Variants in LAMA2 observed in about 807,000 individuals in gnomAD.
The protein encoded by LAMA2 is laminin subunit alpha-2.
In LAMA2, 269 loss-of-function variants were observed where a neutral mutation model predicts 364.8. The ratio of observed to expected loss-of-function variants is 0.74; its 90% confidence interval spans 0.67 to 0.82. The LOEUF is 0.82. Among genes scored for constraint, LAMA2 ranks in the 40% least tolerant of loss-of-function variants. The probability of loss-of-function intolerance (pLI) is 0.00; values close to 1 mark genes in which losing one functional copy is unlikely to be tolerated. For missense variants in LAMA2, 3,807 were observed against 3,873.2 expected (o/e 0.98, Z 0.45); for synonymous variants, 1,379 against 1,370.6 (o/e 1.01, Z -0.14).
At chr6:129,418,237 C>G (rs1385932628) in intron 40 of LAMA2, among the ~76,000 whole-genome samples, 1 of 152,078 alleles carries the variant, frequency 6.6e-6, no homozygotes, top group African/African-American at 2.4e-5. Context: ...AAAATTTAAG[C>G]TGACAATAGA....
chr6:129,173,032 C>T lies in LAMA2; in HGVS notation c.1307-4674C>T, dbSNP rs1026888145. On this transcript the variant is annotated intron_variant, in intron 9 of 64. Transcript: ENST00000421865. ...GGCAATGCCTCGCCCTGCTTCGGCT[C>T]GCGCAGGGTGCGCGCACCCACTGAC... 2.6e-5 allele frequency among the ~76,000 whole-genome samples: 4 copies of T among 152,228 alleles called. No homozygotes were observed. The South Asian group carries it at 6.2e-4, about 24-fold the overall frequency.
chr6:129,389,772 A>G (rs539415815), intron 35 of LAMA2, among the ~76,000 whole-genome samples: 38 of 152,258 alleles, frequency 2.5e-4, no homozygotes, highest in Non-Finnish European at 4.7e-4. Flanking sequence ...ATACCTTCGA[A>G]CAACCTGATC....
At chr6:129,417,641 G>A (rs1780866787) in intron 40 of LAMA2, among the ~76,000 whole-genome samples, 1 of 151,920 alleles carries the variant, frequency 6.6e-6, no homozygotes, top group Admixed American at 6.6e-5. Context: ...CCACCAACCT[G>A]CCATCCACGG....
intron 1 of LAMA2, among the ~76,000 whole-genome samples, chr6:128,982,486 A>T (rs540246863): frequency 7.9e-5 from 12 of 152,230 alleles, no homozygotes; most frequent in Non-Finnish European, 1.3e-4. Flanking sequence ...TGAATATGCC[A>T]ATAGGTAGAA....
At chr6:129,136,323 A>G (rs114150861) in intron 4 of LAMA2, among the ~76,000 whole-genome samples, 1 of 152,330 alleles carries the variant, frequency 6.6e-6, no homozygotes, top group East Asian at 1.9e-4. Context: ...AAAAAGAATC[A>G]TAGAGACTTT....
intron 1 of LAMA2, among the ~76,000 whole-genome samples, chr6:129,033,360 T>C (rs1461992335): frequency 6.6e-6 from 1 of 152,182 alleles, no homozygotes; most frequent in Non-Finnish European, 1.5e-5. Flanking sequence ...ATTGTCAAGC[T>C]GTCCTTAAGG....
At chr6:129,514,144 T>G (rs1786829023) in intron 63 of LAMA2, among the ~76,000 whole-genome samples, 1 of 152,196 alleles carries the variant, frequency 6.6e-6, no homozygotes. Context: ...TCTTGCCTAT[T>G]AACTCCCAAC....
At chr6:129,123,285 G>A (rs1041633690) in intron 4 of LAMA2, among the ~76,000 whole-genome samples, 9 of 148,888 alleles carry the variant, frequency 6.0e-5, no homozygotes, top group African/African-American at 1.5e-4. Flanking sequence ...CAGCCTGAGC[G>A]ATAGAGTAAG....
chr6:129,257,180 G>A (rs1484912162), intron 14 of LAMA2, among the ~76,000 whole-genome samples: 1 of 151,894 alleles, frequency 6.6e-6, no homozygotes, highest in Non-Finnish European at 1.5e-5. Context: ...AATGCAGCTT[G>A]ATATCAAGAG....
intron 12 of LAMA2, among the ~76,000 whole-genome samples, chr6:129,198,827 T>C (rs1196844599): frequency 6.6e-6 from 1 of 151,892 alleles, no homozygotes; most frequent in East Asian, 1.9e-4. Context: ...AGAAAAAAAA[T>C]CTATAATGTC....
At chr6:129,029,239 A>G (rs889770679) in intron 1 of LAMA2, among the ~76,000 whole-genome samples, 1 of 151,896 alleles carries the variant, frequency 6.6e-6, no homozygotes, top group Non-Finnish European at 1.5e-5. Flanking sequence ...ATAGCTTGTG[A>G]TACCATAGTG....
At chr6:129,410,738 ATAGATAG>A (rs1780498291) in intron 40 of LAMA2, among the ~76,000 whole-genome samples, 1 of 73,950 alleles carries the variant, frequency 1.4e-5, no homozygotes, top group African/African-American at 6.4e-5. Context: ...AGATAGATAG[ATAGATAG>A]ATAGATAGAT....
intron 3 of LAMA2, among the ~76,000 whole-genome samples, chr6:129,075,999 T>A (rs1332273895): frequency 1.3e-5 from 2 of 151,904 alleles, no homozygotes; most frequent in South Asian, 2.1e-4. Flanking sequence ...GGCAGGAGAA[T>A]CACTTGGGTC....
chr6:129,489,870 G>A (rs895698214), intron 56 of LAMA2, among the ~76,000 whole-genome samples: 2 of 150,964 alleles, frequency 1.3e-5, no homozygotes, highest in African/African-American at 2.4e-5. Flanking sequence ...AAACAAATAA[G>A]AAATAGGGTA....
intron 12 of LAMA2, among the ~76,000 whole-genome samples, chr6:129,211,002 C>T (rs542999704): frequency 6.6e-6 from 1 of 152,238 alleles, no homozygotes; most frequent in African/African-American, 2.4e-5. Context: ...TCCCCACGGC[C>T]TCATCTGTGG....
chr6:129,404,087 T>C (rs545384952), intron 40 of LAMA2, 128 bp downstream of exon 40: 17 of 1,008,100 alleles, frequency 1.7e-5, no homozygotes, highest in Middle Eastern at 6.0e-4. Context: ...AGACCTCTTT[T>C]AAAATTTGCC....
intron 9 of LAMA2, among the ~76,000 whole-genome samples, chr6:129,173,413 A>C (rs1194020061): frequency 6.6e-6 from 1 of 152,076 alleles, no homozygotes; most frequent in Non-Finnish European, 1.5e-5. Flanking sequence ...TTACATGTCT[A>C]TTTCATCAAT....
chr6:129,468,937 A>C (rs1424869027), intron 51 of LAMA2, among the ~76,000 whole-genome samples: 1 of 151,898 alleles, frequency 6.6e-6, no homozygotes, highest in East Asian at 1.9e-4. Flanking sequence ...CTGAGCCCTA[A>C]GTCCTTTTTT....
At chr6:129,158,041 G>C in intron 8 of LAMA2, 3 of 1,612,668 alleles carry the variant, frequency 1.9e-6, no homozygotes, top group Non-Finnish European at 2.5e-6. Context: ...TTTAGGTCTC[G>C]ATGAGCAATT....
Sources: gnomAD v4.1 joint callset for allele counts (sites outside exome capture counted in the v4.1 genomes callset) on GRCh38, gnomAD v4.1.1 for gene constraint, MANE v1.5 for transcripts, NCBI Gene and HGNC (gene_info 2026-07-23, HGNC 2026-07-21) for gene names.